Variants in MYL1 observed in about 807,000 individuals in gnomAD.
MYL1 encodes myosin light chain 1.
MYL1 carries 16 observed loss-of-function variants against 21.8 expected under a neutral mutation model. That is an observed-to-expected ratio of 0.74 (90% CI 0.50 to 1.12). The LOEUF (loss-of-function observed/expected upper bound fraction) is 1.12, where lower values mean the gene tolerates loss of function less well. MYL1 is among the 50% of genes most tolerant of loss of function. The probability of loss-of-function intolerance (pLI) is 0.00; values close to 1 mark genes in which losing one functional copy is unlikely to be tolerated. For missense variants in MYL1, 246 were observed against 241.0 expected (o/e 1.02, Z -0.14); for synonymous variants, 99 against 85.2 (o/e 1.16, Z -0.89).
At chr2:210,309,141 A>T (rs1293584813) in intron 1 of MYL1, among the ~76,000 whole-genome samples, 1 of 152,030 alleles carries the variant, frequency 6.6e-6, no homozygotes, top group Non-Finnish European at 1.5e-5. Flanking sequence ...GATTTCTAGG[A>T]TTCCTTATGT....
At chr2:210,294,880 T>G (rs997385159) in intron 3 of MYL1, among the ~76,000 whole-genome samples, 3 of 152,200 alleles carry the variant, frequency 2.0e-5, no homozygotes, top group Non-Finnish European at 2.9e-5. Context: ...CATTAGTGGA[T>G]TAATACAGTA....
At chr2:210,301,711 G>A (rs1690267894) in intron 2 of MYL1, among the ~76,000 whole-genome samples, 1 of 152,062 alleles carries the variant, frequency 6.6e-6, no homozygotes, top group African/African-American at 2.4e-5. Context: ...TGTGGAGTAT[G>A]GGATCTGTTG....
chr2:210,293,049 CTCTTTTTG>C (rs1690105157), intron 5 of MYL1, among the ~76,000 whole-genome samples: 1 of 151,344 alleles, frequency 6.6e-6, no homozygotes, highest in African/African-American at 2.4e-5. Flanking sequence ...CTTTGTTTTT[CTCTTTTTG>C]TCTTTATTTA....
At chr2:210,310,100 T>C (rs1338189056) in intron 1 of MYL1, among the ~76,000 whole-genome samples, 3 of 152,110 alleles carry the variant, frequency 2.0e-5, no homozygotes, top group African/African-American at 7.2e-5. Context: ...CCTGAGGTTA[T>C]ATTTACACTG....
chr2:210,297,011 GT>G (rs1194226347), intron 3 of MYL1, among the ~76,000 whole-genome samples: 1 of 139,774 alleles, frequency 7.2e-6, no homozygotes, highest in African/African-American at 2.9e-5. Flanking sequence ...GTGTGTGTGT[GT>G]GTGTACATAT....
rs1038848267 is a variant in MYL1 at position 210,301,685 on chromosome 2, G to A, written c.160+803C>T. ...AACATTCCTCCCTGCACTTGCTAATGAAAACATCAAGCTCCTGTGGAGTAT... is the reference window on the plus strand; with the variant it reads ...AACATTCCTCCCTGCACTTGCTAATAAAAACATCAAGCTCCTGTGGAGTAT... On this transcript the variant is annotated intron_variant, in intron 2 of 6. Coordinates refer to ENST00000352451, the MANE Select transcript of MYL1 (RefSeq NM_079420.3). Among the ~76,000 whole-genome samples the A allele has an allele frequency of 2.6e-5, 4 of 152,126 alleles. No homozygotes were observed. In the South Asian group the frequency reaches 6.2e-4, roughly 24 times the overall value.
intron 1 of MYL1, among the ~76,000 whole-genome samples, chr2:210,314,537 T>C (rs935248103): frequency 6.6e-6 from 1 of 152,200 alleles, no homozygotes; most frequent in Non-Finnish European, 1.5e-5. Flanking sequence ...TTTGATGTAA[T>C]TTGTAAGTAA....
At chr2:210,306,548 A>T (rs1690344233) in intron 1 of MYL1, among the ~76,000 whole-genome samples, 1 of 152,092 alleles carries the variant, frequency 6.6e-6, no homozygotes, top group Admixed American at 6.6e-5. Flanking sequence ...GAATGCATTT[A>T]GATTTTTTTG....
Position 210,293,733 on chromosome 2 carries a change from G to T in MYL1, c.546C>A (p.Ile182=). 6.2e-7 allele frequency: 1 copy of T among 1,613,902 alleles called. No homozygotes were observed. The highest frequency in any genetic ancestry group is 1.1e-5 in the South Asian group (1 of 91,080). Residue 182 remains isoleucine (I), a synonymous_variant, in exon 5 of 7, where the codon ATC becomes ATA. Transcript: ENST00000352451. ...MAGQEDSNGC[I]NYEAFVKHIM... The stretch of plus-strand genomic sequence containing the variant: ...GAGCATTGATTCTACCTTCGTAGTT[G>T]ATGCAGCCATTGGAGTCTTCTTGAC...
intron 3 of MYL1, among the ~76,000 whole-genome samples, chr2:210,297,780 C>T (rs1375099927): frequency 6.6e-6 from 1 of 151,638 alleles, no homozygotes; most frequent in Non-Finnish European, 1.5e-5. Flanking sequence ...TATCCTTGTG[C>T]TCTGTCCTTT....
intron 4 of MYL1, 114 bp from the exon 5 acceptor site, chr2:210,293,914 G>T: frequency 2.3e-6 from 2 of 883,182 alleles, no homozygotes; most frequent in Non-Finnish European, 3.6e-6. Flanking sequence ...TAGGAACTGT[G>T]ACTTTCCCAT....
At chr2:210,299,991 T>C (rs548521633) in intron 2 of MYL1, among the ~76,000 whole-genome samples, 7 of 152,172 alleles carry the variant, frequency 4.6e-5, no homozygotes, top group Non-Finnish European at 1.0e-4. Flanking sequence ...ATGTTACCAT[T>C]ATTTGTTAAA....
At chr2:210,291,545 G>A (rs1690075765) in intron 5 of MYL1, among the ~76,000 whole-genome samples, 1 of 152,114 alleles carries the variant, frequency 6.6e-6, no homozygotes, top group South Asian at 2.1e-4. Context: ...AGCTGTTTAT[G>A]CATATACAAG....
At chr2:210,308,806 T>G (rs1690376979) in intron 1 of MYL1, among the ~76,000 whole-genome samples, 1 of 149,190 alleles carries the variant, frequency 6.7e-6, no homozygotes, top group African/African-American at 2.4e-5. Flanking sequence ...CTGGCCATAC[T>G]TTTGTCTCCT....
intron 1 of MYL1, among the ~76,000 whole-genome samples, chr2:210,304,744 G>A (rs1175010854): frequency 6.6e-6 from 1 of 152,122 alleles, no homozygotes. Flanking sequence ...ACAGGGTCTC[G>A]TTATGTTGCC....
intron 3 of MYL1, among the ~76,000 whole-genome samples, chr2:210,295,840 A>G (rs946743036): frequency 1.9e-4 from 29 of 151,718 alleles, no homozygotes; most frequent in African/African-American, 4.6e-4. Flanking sequence ...AAAAAAAAAA[A>G]AAAGAAAGAA....
At chr2:210,313,445 C>A (rs1690446088) in intron 1 of MYL1, among the ~76,000 whole-genome samples, 1 of 151,916 alleles carries the variant, frequency 6.6e-6, no homozygotes, top group African/African-American at 2.4e-5. Flanking sequence ...ATAAAGGATA[C>A]ATTAACTAGG....
chr2:210,305,895 T>C (rs1690335599), intron 1 of MYL1, among the ~76,000 whole-genome samples: 1 of 151,558 alleles, frequency 6.6e-6, no homozygotes, highest in Admixed American at 6.6e-5. Context: ...ACCCTGTCTC[T>C]ACTAAAAATA....
intron 2 of MYL1, among the ~76,000 whole-genome samples, chr2:210,299,607 C>A (rs1690233162): frequency 6.6e-6 from 1 of 152,056 alleles, no homozygotes; most frequent in Non-Finnish European, 1.5e-5. Flanking sequence ...TTTAATCATT[C>A]TCTTTTGATA....
Sources: gnomAD v4.1 joint callset for allele counts (sites outside exome capture counted in the v4.1 genomes callset) on GRCh38, gnomAD v4.1.1 for gene constraint, MANE v1.5 for transcripts, NCBI Gene and HGNC (gene_info 2026-07-23, HGNC 2026-07-21) for gene names.